The following HPSE2 variants were observed in gnomAD, a reference collection of about 807,000 sequenced individuals.
The protein encoded by HPSE2 is inactive heparanase-2.
Under a neutral mutation model 60.5 loss-of-function variants are expected in HPSE2, and 38 were observed. The ratio of observed to expected loss-of-function variants is 0.63; its 90% CI spans 0.48 to 0.82. The LOEUF (loss-of-function observed/expected upper bound fraction) is 0.82, where lower values mean the gene tolerates loss of function less well. HPSE2 is among the 40% of genes least tolerant of loss of function. The pLI is 0.00. For missense variants in HPSE2, 713 were observed against 740.4 expected (o/e 0.96, Z 0.43); for synonymous variants, 295 against 293.2 (o/e 1.01, Z -0.06).
intron 2 of HPSE2, among the ~76,000 whole-genome samples, chr10:99,221,954 G>C (rs886847509): frequency 2.6e-5 from 4 of 152,122 alleles, no homozygotes; most frequent in Non-Finnish European, 5.9e-5. Context: ...AAGACAACAA[G>C]ATGGAGAGAG....
chr10:98,858,033 G>A (rs1952360232), intron 3 of HPSE2, among the ~76,000 whole-genome samples: 1 of 152,150 alleles, frequency 6.6e-6, no homozygotes, highest in African/African-American at 2.4e-5. Flanking sequence ...TAGCTATCAA[G>A]TATCATACAT....
intron 3 of HPSE2, among the ~76,000 whole-genome samples, chr10:98,868,017 G>A (rs1396376417): frequency 4.6e-5 from 7 of 151,578 alleles, no homozygotes; most frequent in African/African-American, 1.2e-4. Context: ...AGCCGAGATC[G>A]TGCCACTGCA....
At chr10:98,569,204 C>T (rs976227608) in intron 9 of HPSE2, among the ~76,000 whole-genome samples, 1 of 151,880 alleles carries the variant, frequency 6.6e-6, no homozygotes, top group Non-Finnish European at 1.5e-5. Flanking sequence ...GCTGGGATTA[C>T]AGGCACCCGC....
At chr10:99,041,116 A>G (rs904908207) in intron 3 of HPSE2, among the ~76,000 whole-genome samples, 1 of 152,082 alleles carries the variant, frequency 6.6e-6, no homozygotes, top group African/African-American at 2.4e-5. Flanking sequence ...ATAGTCAAGT[A>G]TTCAGCACAT....
intron 3 of HPSE2, among the ~76,000 whole-genome samples, chr10:99,081,793 T>C (rs1843151510): frequency 6.6e-6 from 1 of 151,990 alleles, no homozygotes; most frequent in South Asian, 2.1e-4. Context: ...CCCGCCACCA[T>C]GCCTGGCTAA....
At chr10:99,306,133 T>C in the HPSE2 span, among the ~76,000 whole-genome samples, 3 of 151,992 alleles carry the variant, frequency 2.0e-5, no homozygotes, top group East Asian at 5.8e-4. Context: ...ATATCTAATA[T>C]ACATGTATTT....
the HPSE2 span, among the ~76,000 whole-genome samples, chr10:99,293,502 A>G: frequency 6.6e-6 from 1 of 152,188 alleles, no homozygotes; most frequent in Admixed American, 6.5e-5. Context: ...AAGATTGTGT[A>G]CCCAGTTCTA....
rs182745369 is a variant in HPSE2 at position 98,827,663 on chromosome 10, A to G, written c.611-83607T>C. The stretch of plus-strand genomic sequence containing the variant: ...GTAGTTATTAAGTAAGGTAGTCAAA[A>G]GACTGGAGAAATAGAAGTGTGGATG... On this transcript the variant is annotated intron_variant, in intron 3 of 11. Coordinates refer to ENST00000370552, the MANE Select transcript of HPSE2 (RefSeq NM_021828.5). Among the ~76,000 whole-genome samples the G allele has an allele frequency of 1.0e-3, 157 of 152,358 alleles. 2 individuals carry two copies. Among genetic ancestry groups the G allele is most frequent in the African/African-American group, 3.5e-3 (145 of 41,580 alleles).
intron 3 of HPSE2, among the ~76,000 whole-genome samples, chr10:98,922,986 A>T (rs1954328433): frequency 6.6e-6 from 1 of 152,248 alleles, no homozygotes; most frequent in Non-Finnish European, 1.5e-5. Context: ...TACTATGGTA[A>T]TAATGAGTTT....
At chr10:98,705,607 G>A (rs1208289475) in intron 5 of HPSE2, among the ~76,000 whole-genome samples, 1 of 152,138 alleles carries the variant, frequency 6.6e-6, no homozygotes, top group Admixed American at 6.5e-5. Context: ...CCTTTGCAGT[G>A]ACATGGTTGA....
At chr10:98,656,602 C>G (rs753622932) in intron 6 of HPSE2, among the ~76,000 whole-genome samples, 4 of 152,108 alleles carry the variant, frequency 2.6e-5, no homozygotes, top group Non-Finnish European at 5.9e-5. Context: ...GAATTTATAT[C>G]AAGGCTTAGT....
chr10:98,573,627 C>T (rs971713840), intron 9 of HPSE2, among the ~76,000 whole-genome samples: 2 of 152,210 alleles, frequency 1.3e-5, no homozygotes, highest in Admixed American at 1.3e-4. Context: ...CTCAGCACTG[C>T]TCAGCTCCTA....
At chr10:98,989,591 A>T (rs1408731417) in intron 3 of HPSE2, among the ~76,000 whole-genome samples, 1 of 151,954 alleles carries the variant, frequency 6.6e-6, no homozygotes, top group Non-Finnish European at 1.5e-5. Context: ...GCACATGTAT[A>T]CATATGTAAC....
rs1022303885 is a variant in HPSE2, at chr10:98,693,893, T to C, written c.1004+7A>G. The C allele has an allele frequency of 1.2e-6, 2 of 1,607,418 alleles. No homozygotes were observed. The highest frequency in any genetic ancestry group is 1.3e-5 in the African/African-American group (1 of 74,816). ...AATAAGTAAGAGCAAAAATGGTGAATACCTACTGTTGCCAGGTAACTGCAT... is the reference window on the plus strand; with the variant it reads ...AATAAGTAAGAGCAAAAATGGTGAACACCTACTGTTGCCAGGTAACTGCAT... On this transcript the variant is annotated splice_region_variant and intron_variant, in intron 6 of 11. Transcript: ENST00000370552.
intron 3 of HPSE2, among the ~76,000 whole-genome samples, chr10:98,800,349 C>T (rs1462225433): frequency 6.6e-6 from 1 of 150,634 alleles, no homozygotes; most frequent in Non-Finnish European, 1.5e-5. Flanking sequence ...ACCTGGATGA[C>T]AGAGTGAGAC....
At chr10:98,704,704 C>T (rs1426508329) in intron 5 of HPSE2, among the ~76,000 whole-genome samples, 4 of 152,104 alleles carry the variant, frequency 2.6e-5, no homozygotes, top group Admixed American at 2.6e-4. Context: ...ACTGGCTAGC[C>T]ATATGCGGAA....
chr10:99,179,069 C>T (rs966534907), intron 2 of HPSE2, among the ~76,000 whole-genome samples: 5 of 152,076 alleles, frequency 3.3e-5, no homozygotes, highest in African/African-American at 9.7e-5. Context: ...AAATTCAACA[C>T]CCCTTCATGC....
At chr10:98,543,663 G>C (rs1943554419) in intron 9 of HPSE2, among the ~76,000 whole-genome samples, 1 of 151,954 alleles carries the variant, frequency 6.6e-6, no homozygotes. Flanking sequence ...AACAAAAAAA[G>C]GCAGGGGTTG....
chr10:98,931,185 A>ATAACTAG (rs1433754776), intron 3 of HPSE2, among the ~76,000 whole-genome samples: 7 of 144,316 alleles, frequency 4.9e-5, no homozygotes, highest in Non-Finnish European at 1.0e-4. Flanking sequence ...TTTTCTGCAT[A>ATAACTAG]TAACTAGCCA....
Sources: allele counts gnomAD v4.1 joint callset (sites outside exome capture counted in the v4.1 genomes callset), GRCh38; gene constraint gnomAD v4.1.1; transcripts MANE v1.5; gene names NCBI Gene and HGNC (gene_info 2026-07-23, HGNC 2026-07-21).